ZNF407: variants seen among roughly 807,000 people sequenced by gnomAD.
ZNF407 encodes zinc finger protein 407.
ZNF407 carries 17 observed loss-of-function variants against 131.2 expected under a neutral mutation model. The ratio of observed to expected loss-of-function variants is 0.13; its 90% CI spans 0.09 to 0.19. The LOEUF (loss-of-function observed/expected upper bound fraction) is 0.19. Ranked by LOEUF, ZNF407 falls within the 10% of genes least tolerant of loss-of-function variation. The probability of loss-of-function intolerance (pLI) is 1.00; values close to 1 mark genes in which losing one functional copy is unlikely to be tolerated. For synonymous variants in ZNF407, 1,156 were observed against 1,062.0 expected, an observed-to-expected ratio of 1.09 and a Z score of -1.72; for missense variants, 2,681 against 2,830.6, an observed-to-expected ratio of 0.95 and a Z score of 1.20.
rs760308779 is a variant in ZNF407 at position 75,036,312 on chromosome 18, A to G, written c.5429-26838A>G. 9.6e-4 allele frequency among the ~76,000 whole-genome samples: 141 copies of G among 147,308 alleles called. No individual in the cohort carries two copies. In the Middle Eastern group the frequency reaches 0.039, roughly 41 times the overall value. On this transcript the variant is annotated intron_variant, in intron 8 of 8. Coordinates refer to ENST00000299687, the MANE Select transcript of ZNF407 (RefSeq NM_017757.3). Reference sequence around the variant, plus strand: ...CAAAAATAAAACGATGTTCACAGGGAAAAAAAAAAAGTATGATTTAGGGAT... The same window carrying G: ...CAAAAATAAAACGATGTTCACAGGGGAAAAAAAAAAGTATGATTTAGGGAT...
At chr18:74,962,794 T>C (rs1016434830) in intron 8 of ZNF407, among the ~76,000 whole-genome samples, 14 of 152,250 alleles carry the variant, frequency 9.2e-5, no homozygotes, top group African/African-American at 2.7e-4. Context: ...TTACGTGCTC[T>C]GTTGAAATCA....
intron 4 of ZNF407, among the ~76,000 whole-genome samples, chr18:74,849,439 T>G (rs1970750605): frequency 6.6e-6 from 1 of 152,098 alleles, no homozygotes; most frequent in African/African-American, 2.4e-5. Flanking sequence ...AATGTTTACC[T>G]TATAGAGGCA....
rs538239013 is a variant in ZNF407 at position 74,641,208 on chromosome 18, G to T, written c.4802+86G>T. On this transcript the variant is annotated intron_variant, in intron 3 of 8. Coordinates refer to ENST00000299687, the MANE Select transcript of ZNF407 (RefSeq NM_017757.3). ...GTTTCGGAATTCAAAACCGATAGGA[G>T]TAAGAGTGGCTAAAATTATGCATGC... 1.2e-5 allele frequency: 13 copies of T among 1,042,118 alleles called. No individual in the cohort carries two copies. In the African/African-American group the frequency reaches 1.6e-4, roughly 13 times the overall value. The allele number at this position is 1,042,118 out of a possible 1,614,324, so 64.6% of individuals were successfully genotyped here.
chr18:75,002,072 A>C (rs981849832), intron 8 of ZNF407, among the ~76,000 whole-genome samples: 2 of 152,228 alleles, frequency 1.3e-5, no homozygotes, highest in Non-Finnish European at 2.9e-5. Flanking sequence ...GGAAACCAAG[A>C]GAGTGGGCCT....
chr18:74,877,331 C>T lies in ZNF407; in HGVS notation c.5012C>T (p.Ser1671Phe). Residue 1671 changes from serine to phenylalanine, a missense_variant, in exon 5 of 9, where the codon TCC becomes TTC. By Grantham distance (155) the Ser-to-Phe change is radical. Coordinates refer to ENST00000299687, the MANE Select transcript of ZNF407 (RefSeq NM_017757.3). ...TGCCATTACTCATTCCTCACAGCCT[C>T]CGCAATGAAAGACCACTACAGGACG... ...PTCHYSFLTA[S>F]AMKDHYRTHT... 1 of 1,613,686 alleles carries T rather than the reference C, an allele frequency of 6.2e-7. No individual in the cohort carries two copies. Among genetic ancestry groups the T allele is most frequent in the Non-Finnish European group, 8.5e-7 (1 of 1,179,898 alleles).
At chr18:75,005,074 A>G (rs1006651639) in intron 8 of ZNF407, among the ~76,000 whole-genome samples, 1 of 152,226 alleles carries the variant, frequency 6.6e-6, no homozygotes, top group Non-Finnish European at 1.5e-5. Context: ...AAGTTTTTGT[A>G]TGCATGGGAA....
At chr18:74,899,538 A>C (rs1269778835) in intron 7 of ZNF407, among the ~76,000 whole-genome samples, 1 of 152,198 alleles carries the variant, frequency 6.6e-6, no homozygotes, top group Admixed American at 6.5e-5. Flanking sequence ...TGAGATGCCC[A>C]TGTGATGTCC....
intron 1 of ZNF407, among the ~76,000 whole-genome samples, chr18:74,623,231 C>T (rs979269751): frequency 1.3e-5 from 2 of 149,432 alleles, no homozygotes; most frequent in Admixed American, 6.7e-5. Context: ...TGTGTGAGTG[C>T]GGGTGTTAGT....
chr18:74,601,329 C>CTGTGTGTGTGTGTG (rs60358173), intron 1 of ZNF407, among the ~76,000 whole-genome samples: 2 of 144,756 alleles, frequency 1.4e-5, no homozygotes, highest in South Asian at 2.3e-4. Flanking sequence ...GTGTGTATGT[C>CTGTGTGTGTGTGTG]TGTGTGTGTG....
At chr18:75,028,611 C>A (rs2122217195) in intron 8 of ZNF407, among the ~76,000 whole-genome samples, 1 of 152,314 alleles carries the variant, frequency 6.6e-6, no homozygotes, top group Non-Finnish European at 1.5e-5. Flanking sequence ...CACTGGGCCT[C>A]AGACCAACTT....
At chr18:74,886,243 G>T (rs1971306925) in intron 6 of ZNF407, among the ~76,000 whole-genome samples, 1 of 152,164 alleles carries the variant, frequency 6.6e-6, no homozygotes, top group Non-Finnish European at 1.5e-5. Flanking sequence ...GAATGCAGGT[G>T]TAAAGCGTTG....
chr18:74,641,854 C>T (rs1240315237), intron 3 of ZNF407, among the ~76,000 whole-genome samples: 1 of 151,922 alleles, frequency 6.6e-6, no homozygotes, highest in Non-Finnish European at 1.5e-5. Context: ...GTTTTAATAC[C>T]CTGCTTCTGA....
At chr18:74,704,422 G>T (rs555063216) in intron 3 of ZNF407, among the ~76,000 whole-genome samples, 1 of 152,114 alleles carries the variant, frequency 6.6e-6, no homozygotes, top group Non-Finnish European at 1.5e-5. Context: ...GAAAAAGGCC[G>T]GTTCAGTAGA....
intron 8 of ZNF407, among the ~76,000 whole-genome samples, chr18:74,925,527 T>C (rs1971902299): frequency 6.6e-6 from 1 of 152,244 alleles, no homozygotes; most frequent in South Asian, 2.1e-4. Context: ...TCCTTTGTCA[T>C]TAATTAGAAC....
At chr18:74,730,759 A>G (rs1330253786) in intron 3 of ZNF407, among the ~76,000 whole-genome samples, 4 of 152,196 alleles carry the variant, frequency 2.6e-5, no homozygotes, top group African/African-American at 4.8e-5. Flanking sequence ...CAAAGTGGCT[A>G]TAGGATTATA....
At chr18:74,676,788 C>T (rs1168083169) in intron 3 of ZNF407, among the ~76,000 whole-genome samples, 2 of 152,178 alleles carry the variant, frequency 1.3e-5, no homozygotes, top group African/African-American at 4.8e-5. Flanking sequence ...TTCCAAGCCA[C>T]TGACACTCTT....
chr18:74,755,554 T>G (rs1968913367), intron 3 of ZNF407, among the ~76,000 whole-genome samples: 1 of 55,760 alleles, frequency 1.8e-5, no homozygotes, highest in Admixed American at 2.9e-4. Flanking sequence ...CCTCCCTTCC[T>G]TCTTCCTTCC....
rs190678334 is a variant in ZNF407 at position 74,662,741 on chromosome 18, C to T, written c.4802+21619C>T. Among the ~76,000 whole-genome samples the T allele has an allele frequency of 8.2e-4, 125 of 152,290 alleles. 2 individuals carry two copies. The highest frequency in any genetic ancestry group is 3.4e-3 in the Middle Eastern group (1 of 294). ...TTGATTCAGATAATTGAAAGTGTTT[C>T]ATACTATTATTGCAACTTGAAGGCT... is the stretch of plus-strand genomic sequence containing the variant. On this transcript the variant is annotated intron_variant, in intron 3 of 8. Coordinates refer to ENST00000299687, the MANE Select transcript of ZNF407 (RefSeq NM_017757.3).
At chr18:74,616,942 A>G (rs1983322977) in intron 1 of ZNF407, among the ~76,000 whole-genome samples, 6 of 142,370 alleles carry the variant, frequency 4.2e-5, no homozygotes, top group Admixed American at 7.0e-5. Flanking sequence ...ATCCATATCC[A>G]CACACCACAC....
Sources: gnomAD v4.1 joint callset for allele counts (sites outside exome capture counted in the v4.1 genomes callset) on GRCh38, gnomAD v4.1.1 for gene constraint, MANE v1.5 for transcripts, NCBI Gene and HGNC (gene_info 2026-07-23, HGNC 2026-07-21) for gene names.